The following GOLGA3 variants were observed in gnomAD, a reference collection of about 807,000 sequenced individuals.
The protein encoded by GOLGA3 is golgin subfamily A member 3.
Under a neutral mutation model 169.4 loss-of-function variants are expected in GOLGA3, and 75 were observed. The observed-to-expected ratio is 0.44, with a 90% CI of 0.37 to 0.54. The LOEUF (loss-of-function observed/expected upper bound fraction) is 0.54. Ranked by LOEUF, GOLGA3 falls within the 20% of genes least tolerant of loss-of-function variation. The pLI, the probability that GOLGA3 is intolerant of heterozygous loss-of-function variation, is 0.00. For synonymous variants in GOLGA3, 824 were observed against 822.4 expected, an observed-to-expected ratio of 1.00 and a Z score of -0.03; for missense variants, 1,899 against 1,930.0, an observed-to-expected ratio of 0.98 and a Z score of 0.30.
chr12:132,819,366 A>G (rs1289965561), intron 2 of GOLGA3, among the ~76,000 whole-genome samples: 1 of 152,100 alleles, frequency 6.6e-6, no homozygotes, highest in Non-Finnish European at 1.5e-5. Flanking sequence ...CGTCTCTACT[A>G]AAAATACAAA....
chr12:132,786,625 C>T lies in GOLGA3; in HGVS notation c.2906+68G>A, dbSNP rs888690568. 4.6e-5 allele frequency: 71 copies of T among 1,557,360 alleles called. 2 individuals are homozygous for T. The South Asian group carries it at 6.0e-4, about 13-fold the overall frequency. ...GATGTGACCGTCTGGCATTCTGGTT[C>T]GCCTCCCCCCCGGCCCCCGCACCTC... is the stretch of plus-strand genomic sequence containing the variant. On this transcript the variant is annotated intron_variant, in intron 14 of 23. Coordinates refer to ENST00000450791, the MANE Select transcript of GOLGA3 (RefSeq NM_001389683.1).
intron 8 of GOLGA3, among the ~76,000 whole-genome samples, chr12:132,801,484 G>C (rs1949123972): frequency 6.6e-6 from 1 of 152,102 alleles, no homozygotes; most frequent in Non-Finnish European, 1.5e-5. Context: ...AGGCAAATGA[G>C]GATTCACCGG....
intron 8 of GOLGA3, among the ~76,000 whole-genome samples, chr12:132,801,556 TG>T (rs1415305387): frequency 2.0e-5 from 3 of 151,972 alleles, no homozygotes; most frequent in African/African-American, 4.8e-5. Context: ...GAGGCTGCCG[TG>T]GGACTCCCAT....
At chr12:132,786,904 T>C in intron 13 of GOLGA3, 117 bp from the exon 14 acceptor site, 1 of 713,304 alleles carries the variant, frequency 1.4e-6, no homozygotes, top group Non-Finnish European at 2.4e-6. Context: ...CCTGGAGGAC[T>C]TGGGCCTTGA....
intron 1 of GOLGA3, chr12:132,826,239 CCAA>C: frequency 2.0e-6 from 2 of 983,228 alleles, no homozygotes; most frequent in Admixed American, 3.7e-5. Context: ...TTCTCATTCT[CCAA>C]AAAAAAAAAA....
Position 132,804,994 on chromosome 12 carries a change from G to A in GOLGA3, c.1319C>T (p.Ala440Val), listed in dbSNP as rs1246773989. The change falls in exon 7 of 24, where the codon GCC becomes GTC. Residue 440 changes from alanine (A) to valine (V), a missense_variant. Coordinates refer to ENST00000450791, the MANE Select transcript of GOLGA3 (RefSeq NM_001389683.1). The surrounding 1 kb of genome is among the most constrained non-coding windows in gnomAD (Gnocchi z 4.1). ...QALKEKAELQ[A>V]QLAALSTKLQ... ...CTTCGTGCTGAGGGCGGCCAGCTGG[G>A]CCTGCAGCTCAGCCTTCTCTTTAAG... The A allele has an allele frequency of 2.3e-5, 37 of 1,611,010 alleles. No individual in the cohort carries two copies. Among genetic ancestry groups the A allele is most frequent in the Non-Finnish European group, 3.1e-5 (37 of 1,179,786 alleles).
chr12:132,796,240 C>A lies in GOLGA3; in HGVS notation c.2101-20G>T, dbSNP rs1467386100. The stretch of plus-strand genomic sequence containing the variant: ...CTTCACCTGGAGAAGGAATGAAGCC[C>A]ACATGGCTGCGCCTGACCCTCCTCC... On this transcript the variant is annotated intron_variant, in intron 10 of 23. Transcript: ENST00000450791. The A allele has an allele frequency of 6.4e-7, 1 of 1,571,262 alleles. No homozygotes were observed. Among genetic ancestry groups the A allele is most frequent in the South Asian group, 1.1e-5 (1 of 88,482 alleles).
At position 132,777,470 on chromosome 12, in the gene GOLGA3, G is replaced by C. The variant is rs11835002; in HGVS notation, c.3722+196C>G. Among the ~76,000 whole-genome samples, 2,760 of 152,268 alleles carry C rather than the reference G, an allele frequency of 0.018. 76 individuals carry two copies. The highest frequency in any genetic ancestry group is 0.055 in the African/African-American group (2,275 of 41,550). On this transcript the variant is annotated intron_variant, in intron 19 of 23. Transcript: ENST00000450791. The surrounding 1 kb of genome is among the most constrained non-coding windows in gnomAD (Gnocchi z 4.7). ...TCCTGCTGGGGCGCTTTCTCTCTTG[G>C]GGGGAGGACACGGGGCAGTGAGTGA...
At chr12:132,787,012 G>A (rs2045937833) in intron 13 of GOLGA3, among the ~76,000 whole-genome samples, 1 of 151,936 alleles carries the variant, frequency 6.6e-6, no homozygotes, top group Non-Finnish European at 1.5e-5. Flanking sequence ...GGAGTGCAGG[G>A]GCGTGATCTC....
rs746213311 is a variant in GOLGA3 at position 132,796,193 on chromosome 12, G to A, written c.2128C>T (p.Gln710Ter). ...TCCTGCTGCAAAGCCTCAAGCTGCT[G>A]GTCTCGCTGGAGTAAAGTCAACTTC... ...QVKLTLLQRDQQLEALQQEHL... is the reference protein window; with the variant it reads ...QVKLTLLQRD Residue 710 changes from glutamine to a stop codon, truncating the protein, a stop_gained, in exon 11 of 24, where the codon CAG (glutamine) becomes TAG (stop). Coordinates refer to ENST00000450791, the MANE Select transcript of GOLGA3 (RefSeq NM_001389683.1). LOFTEE classifies it high-confidence loss of function. The A allele has an allele frequency of 6.3e-7, 1 of 1,596,394 alleles. No homozygotes were observed. The highest frequency in any genetic ancestry group is 8.6e-7 in the Non-Finnish European group (1 of 1,168,142).
In GOLGA3 at chr12:132,801,833, G is replaced by A. The variant is rs1949141642; in HGVS notation, c.1734C>T (p.Tyr578=). ...CCTGTGCCAGGGCGAGCTGCTGCTG[G>A]TACCACTGCCGGACACTCTGCAGGG... ...ISSLQSVRQW[Y]QQQLALAQEA... Residue 578 remains tyrosine (Y), a synonymous_variant, in exon 8 of 24, where the codon TAC becomes TAT. Transcript: ENST00000450791. The A allele has an allele frequency of 1.2e-6, 2 of 1,609,368 alleles. No individual in the cohort carries two copies. Among genetic ancestry groups the A allele is most frequent in the African/African-American group, 1.3e-5 (1 of 74,940 alleles).
intron 1 of GOLGA3, chr12:132,825,804 GGT>G: frequency 2.5e-6 from 3 of 1,207,830 alleles, no homozygotes; most frequent in African/African-American, 1.5e-5. Flanking sequence ...AAGCTCCTGC[GGT>G]ACTACAAGAA....
At chr12:132,810,031 G>A (rs1341104733) in intron 4 of GOLGA3, among the ~76,000 whole-genome samples, 1 of 152,076 alleles carries the variant, frequency 6.6e-6, no homozygotes, top group Non-Finnish European at 1.5e-5. Flanking sequence ...GATCATTTGA[G>A]GTAAGGAGTT....
intron 8 of GOLGA3, among the ~76,000 whole-genome samples, chr12:132,801,065 T>C (rs1949106548): frequency 6.6e-6 from 1 of 152,216 alleles, no homozygotes; most frequent in Admixed American, 6.5e-5. Context: ...CGAGGTTCAC[T>C]CGAACCATTC....
intron 4 of GOLGA3, among the ~76,000 whole-genome samples, chr12:132,813,083 C>A (rs1163851749): frequency 6.6e-6 from 1 of 152,214 alleles, no homozygotes; most frequent in East Asian, 1.9e-4. Context: ...GCAATGTTTA[C>A]ATTTTTGTGG....
At chr12:132,775,023 T>A in intron 22 of GOLGA3, 118 bp downstream of exon 22, 1 of 781,952 alleles carries the variant, frequency 1.3e-6, no homozygotes. Context: ...CAGCAGCTGC[T>A]CAGTGTGGGC....
At chr12:132,784,125 T>C (rs1219755988) in intron 16 of GOLGA3, 39 bp downstream of exon 16, 3 of 1,601,402 alleles carry the variant, frequency 1.9e-6, no homozygotes, top group East Asian at 4.5e-5. Flanking sequence ...TCACGTGACC[T>C]GCCCCACGCT....
chr12:132,773,096 C>G lies in GOLGA3; in HGVS notation c.*9G>C. ...GGGGCAGCGGCGCACGGAGGCGAGT[C>G]CACAGCAGTCACTCTCCCGGCCCTT... is the stretch of plus-strand genomic sequence containing the variant. On this transcript the variant is annotated 3_prime_UTR_variant, in exon 24 of 24. Transcript: ENST00000450791. 6.4e-7 allele frequency: 1 copy of G among 1,561,042 alleles called. No individual in the cohort carries two copies. Among genetic ancestry groups the G allele is most frequent in the South Asian group, 1.2e-5 (1 of 85,540 alleles).
At chr12:132,794,556 A>G (rs1181219495) in intron 11 of GOLGA3, among the ~76,000 whole-genome samples, 2 of 152,212 alleles carry the variant, frequency 1.3e-5, no homozygotes, top group Non-Finnish European at 1.5e-5. Context: ...AGCCCAACCC[A>G]GAGGTTAACT....
Sources: allele counts gnomAD v4.1 joint callset (sites outside exome capture counted in the v4.1 genomes callset), GRCh38; gene constraint gnomAD v4.1.1; non-coding constraint Gnocchi (gnomAD v3.1); transcripts MANE v1.5; gene names NCBI Gene and HGNC (gene_info 2026-07-23, HGNC 2026-07-21).